Variants in RSPH1 observed in about 807,000 individuals in gnomAD.
RSPH1 encodes radial spoke head component 1.
In RSPH1, 32 loss-of-function variants were observed where a neutral mutation model predicts 44.2. The observed-to-expected ratio is 0.72, with a 90% CI of 0.55 to 0.97. The LOEUF is 0.97. RSPH1 is among the 50% of genes least tolerant of loss of function. RSPH1 has a pLI of 0.00. For synonymous variants in RSPH1, 134 were observed against 147.3 expected, an observed-to-expected ratio of 0.91 and a Z score of 0.65; for missense variants, 391 against 398.7, an observed-to-expected ratio of 0.98 and a Z score of 0.16.
rs115724863 is a variant in RSPH1, at chr21:42,481,776, G to T, written c.573+861C>A. Among the ~76,000 whole-genome samples the T allele has an allele frequency of 6.7e-3, 1,022 of 152,274 alleles. 11 individuals carry two copies. Among genetic ancestry groups the T allele is most frequent in the African/African-American group, 0.023 (964 of 41,554 alleles). On this transcript the variant is annotated intron_variant, in intron 6 of 8. Coordinates refer to ENST00000291536, the MANE Select transcript of RSPH1 (RefSeq NM_080860.4). The stretch of plus-strand genomic sequence containing the variant: ...CAGACATTAATAATGAGAGGAATAG[G>T]AACACATATATTCCCACCTCAACAC...
At chr21:42,482,778 C>G (rs1247127659) in intron 5 of RSPH1, 70 bp from the exon 6 acceptor site, 2 of 1,099,732 alleles carry the variant, frequency 1.8e-6, no homozygotes, top group East Asian at 4.9e-5. Context: ...AATGTCACCA[C>G]CACAATACCC....
chr21:42,481,917 G>A (rs895942021), intron 6 of RSPH1, among the ~76,000 whole-genome samples: 64 of 152,314 alleles, frequency 4.2e-4, no homozygotes, highest in Non-Finnish European at 3.1e-4. Flanking sequence ...GAAAAAACAA[G>A]AGAAAGACTT....
chr21:42,482,522 T>C (rs1184784064), intron 6 of RSPH1, 115 bp downstream of exon 6: 8 of 664,150 alleles, frequency 1.2e-5, no homozygotes, highest in Admixed American at 6.1e-5. Context: ...AATGTGAAAG[T>C]GCCTAAGAGT....
At chr21:42,480,460 G>A (rs1368065078) in intron 6 of RSPH1, among the ~76,000 whole-genome samples, 1 of 152,016 alleles carries the variant, frequency 6.6e-6, no homozygotes, top group East Asian at 1.9e-4. Flanking sequence ...GACCAATATG[G>A]AGAAACCCCG....
At chr21:42,492,299 T>A (rs2054243818) in intron 3 of RSPH1, among the ~76,000 whole-genome samples, 1 of 152,210 alleles carries the variant, frequency 6.6e-6, no homozygotes, top group Non-Finnish European at 1.5e-5. Flanking sequence ...AAAAGTCAGT[T>A]TAACAAGGCA....
chr21:42,490,985 A>C (rs574408983), intron 3 of RSPH1, among the ~76,000 whole-genome samples: 1 of 152,338 alleles, frequency 6.6e-6, no homozygotes, highest in Non-Finnish European at 1.5e-5. Flanking sequence ...CCACCTCCAC[A>C]AGGACAGAAG....
At chr21:42,480,174 T>C (rs1467433696) in intron 6 of RSPH1, among the ~76,000 whole-genome samples, 3 of 151,754 alleles carry the variant, frequency 2.0e-5, no homozygotes, top group Non-Finnish European at 4.4e-5. Context: ...GAAAAGAGGG[T>C]GGCTGAGGTC....
intron 3 of RSPH1, among the ~76,000 whole-genome samples, chr21:42,488,835 A>C (rs1173793340): frequency 1.3e-5 from 2 of 152,212 alleles, no homozygotes; most frequent in Admixed American, 1.3e-4. Flanking sequence ...TTTTGAGGTG[A>C]GTGACATTTG....
At chr21:42,476,657 C>T (rs1289429470) in intron 7 of RSPH1, among the ~76,000 whole-genome samples, 1 of 152,138 alleles carries the variant, frequency 6.6e-6, no homozygotes, top group Non-Finnish European at 1.5e-5. Context: ...TCAGTGCCAG[C>T]CCGGGGTCAC....
Position 42,472,796 on chromosome 21 carries a change from TCTC to T in RSPH1, c.*19_*21del, listed in dbSNP as rs1252805300. 1 of 1,583,954 alleles carries T rather than the reference TCTC, an allele frequency of 6.3e-7. No homozygotes were observed. The highest frequency in any genetic ancestry group is 1.3e-5 in the African/African-American group (1 of 74,136). On this transcript the variant is annotated 3_prime_UTR_variant, in exon 9 of 9. Coordinates refer to ENST00000291536, the MANE Select transcript of RSPH1 (RefSeq NM_080860.4). ...CGACAGAAGCATTCTTATGATACGA[TCTC>T]CTCTCGGCTCACTTCATCTTAGTCC...
rs150629342 is a variant in RSPH1 at position 42,472,841 on chromosome 21, T to C, written c.907A>G (p.Arg303Gly). The C allele has an allele frequency of 1.1e-3, 1,837 of 1,609,748 alleles. 7 individuals carry two copies. The highest frequency in any genetic ancestry group is 2.2e-3 in the South Asian group (203 of 90,920). Residue 303 changes from arginine (R) to glycine (G), a missense_variant, in exon 9 of 9, where the codon AGA becomes GGA. By Grantham distance (125) the Arg-to-Gly change is moderately radical. Transcript: ENST00000291536. Reference protein sequence around the residue: ...GNINSEEEETRQSDLQD With the variant: ...GNINSEEEETGQSDLQD The stretch of plus-strand genomic sequence containing the variant: ...TCTTAGTCCTGGAGGTCTGACTGTC[T>C]AGTTTCTTCTTCTTCAGAATTAATG...
At chr21:42,485,394 C>G (rs939546369) in intron 5 of RSPH1, 2 of 461,044 alleles carry the variant, frequency 4.3e-6, no homozygotes, top group Middle Eastern at 5.7e-4. Flanking sequence ...GATGCCCTCT[C>G]GTGTTATATA....
intron 3 of RSPH1, among the ~76,000 whole-genome samples, chr21:42,491,505 A>T (rs2054235483): frequency 6.6e-6 from 1 of 152,226 alleles, no homozygotes; most frequent in African/African-American, 2.4e-5. Context: ...TAAAATCAAA[A>T]GTGACAAGAA....
At chr21:42,477,514 G>A (rs949022877) in intron 6 of RSPH1, 70 bp from the exon 7 acceptor site, 4 of 1,530,018 alleles carry the variant, frequency 2.6e-6, no homozygotes, top group African/African-American at 1.4e-5. Flanking sequence ...TAAAAGTGAG[G>A]GAGGAAGGAC....
chr21:42,476,962 A>G (rs532458654), intron 7 of RSPH1, among the ~76,000 whole-genome samples: 52 of 151,220 alleles, frequency 3.4e-4, no homozygotes, highest in African/African-American at 1.1e-3. Context: ...CACACCCTCC[A>G]TCCCACAGCC....
chr21:42,478,487 C>T (rs2054094396), intron 6 of RSPH1, among the ~76,000 whole-genome samples: 1 of 152,218 alleles, frequency 6.6e-6, no homozygotes, highest in Non-Finnish European at 1.5e-5. Context: ...GGATAGCGTC[C>T]AATAAGCTGC....
chr21:42,486,684 T>C (rs780007857), intron 3 of RSPH1, among the ~76,000 whole-genome samples: 2 of 152,156 alleles, frequency 1.3e-5, no homozygotes, highest in Non-Finnish European at 2.9e-5. Flanking sequence ...CCTCCACCCC[T>C]TCCTTTTGTG....
chr21:42,479,608 C>G (rs2054104993), intron 6 of RSPH1, among the ~76,000 whole-genome samples: 1 of 152,164 alleles, frequency 6.6e-6, no homozygotes, highest in African/African-American at 2.4e-5. Context: ...CTTCAGGGAA[C>G]AGATGAGAGG....
intron 6 of RSPH1, among the ~76,000 whole-genome samples, chr21:42,479,726 T>TACACAC (rs141751119): frequency 0.039 from 5,607 of 145,160 alleles, 146 homozygotes; most frequent in Non-Finnish European, 0.055. Flanking sequence ...TGTAGGAGGT[T>TACACAC]ACACACACAC....
Sources: gnomAD v4.1 joint callset for allele counts (sites outside exome capture counted in the v4.1 genomes callset) on GRCh38, gnomAD v4.1.1 for gene constraint, MANE v1.5 for transcripts, NCBI Gene and HGNC (gene_info 2026-07-23, HGNC 2026-07-21) for gene names.